The following HCFC1 variants were observed in gnomAD, a reference collection of about 807,000 sequenced individuals.
HCFC1 encodes host cell factor C1.
HCFC1 carries 7 observed loss-of-function variants against 105.5 expected under a neutral mutation model. The ratio of observed to expected loss-of-function variants is 0.07; its 90% CI spans 0.04 to 0.12. The LOEUF is 0.12. Among genes scored for constraint, HCFC1 ranks in the 10% least tolerant of loss-of-function variants. HCFC1 has a pLI of 1.00. For synonymous variants in HCFC1, 918 were observed against 828.1 expected (o/e 1.11, Z -1.86); for missense variants, 1,065 against 1,823.6 (o/e 0.58, Z 7.58).
In HCFC1 at chrX:153,955,074, A is replaced by G. The variant is rs781903562; in HGVS notation, c.3325T>C (p.Cys1109Arg). Residue 1109 changes from cysteine (C) to arginine (R), a missense_variant, in exon 17 of 26, where the codon TGC becomes CGC. Around this residue, in one of 17 missense-constraint regions of HCFC1, gnomAD observed 546 missense variants for 599.9 expected, o/e 0.91. Transcript: ENST00000310441. ...AGQHGCSNPP[C>R]ETHETGTTNT... is the part of the protein sequence containing the mutation. Reference sequence around the variant, plus strand: ...GTGGTGCCCGTCTCGTGGGTCTCGCAGGGTGGGTTTGAGCAGCCATGCTGC... The same window carrying G: ...GTGGTGCCCGTCTCGTGGGTCTCGCGGGGTGGGTTTGAGCAGCCATGCTGC... The G allele has an allele frequency of 9.9e-6, 12 of 1,210,470 alleles. No individual in the cohort carries two copies. Among genetic ancestry groups the G allele is most frequent in the Non-Finnish European group, 1.3e-5 (12 of 894,970 alleles).
In HCFC1 at chrX:153,952,399, A is replaced by G. The variant is rs2065322102; in HGVS notation, c.4942+115T>C. 3 of 918,718 alleles carry G rather than the reference A, an allele frequency of 3.3e-6. No homozygotes were observed. In the South Asian group the frequency reaches 8.1e-5, roughly 25 times the overall value. The allele number at this position is 918,718 out of a possible 1,213,427, so 75.7% of individuals were successfully genotyped here. A position where few individuals can be genotyped will look rare whatever the true frequency, so the allele number is the denominator to read the frequency against. ...GGGGTCCCCTGTGCTCGTCCTCCCC[A>G]TCACATCTGGCTCATGCCACCCTCG... On this transcript the variant is annotated intron_variant, in intron 19 of 25. Transcript: ENST00000310441.
chrX:153,965,201 A>G, intron 1 of HCFC1, among the ~76,000 whole-genome samples: 1 of 110,926 alleles, frequency 9.0e-6, no homozygotes, highest in East Asian at 2.8e-4. Context: ...AGCCATGGGG[A>G]TGAGACCCGG....
At chrX:153,962,382 A>C (rs2148594872) in intron 4 of HCFC1, 76 bp from the exon 5 acceptor site, 62 of 711,289 alleles carry the variant, frequency 8.7e-5, no homozygotes, top group Non-Finnish European at 1.2e-4. Context: ...AAGCTAGCTC[A>C]GGAAGGTAGG....
At position 153,947,900 on chromosome X, in the gene HCFC1, GCTC is replaced by G. The variant is rs1414867738; in HGVS notation, c.*1444_*1446del. The G allele has an allele frequency of 9.0e-6, 1 of 111,660 alleles. No individual in the cohort carries two copies. Among genetic ancestry groups the G allele is most frequent in the African/African-American group, 3.3e-5 (1 of 30,661 alleles). 9.2% of individuals were successfully genotyped at this position (111,660 alleles called of 1,213,427 possible). The stretch of plus-strand genomic sequence containing the variant: ...TCCTTCTGACTTGCTGGCAAGCCTT[GCTC>G]CTCGACAGAAGTTTGGGGTGGGGGG... On this transcript the variant is annotated 3_prime_UTR_variant, in exon 26 of 26. Coordinates refer to ENST00000310441, the MANE Select transcript of HCFC1 (RefSeq NM_005334.3).
chrX:153,951,037 A>C, intron 22 of HCFC1, 39 bp from the exon 23 acceptor site: 2 of 1,152,893 alleles, frequency 1.7e-6, no homozygotes, highest in Non-Finnish European at 2.4e-6. Flanking sequence ...ACTGTGGAGA[A>C]GGCAGCTCTG....
intron 23 of HCFC1, 104 bp downstream of exon 23, chrX:153,950,709 G>A: frequency 2.2e-6 from 2 of 929,859 alleles, no homozygotes. Context: ...AAGACAAACT[G>A]GGACTCAAAA....
At chrX:153,949,445 CTGCTGGTGCAGGGCCGG>C in intron 25 of HCFC1, 59 bp from the exon 26 acceptor site, 1 of 1,141,636 alleles carries the variant, frequency 8.8e-7, no homozygotes, top group Non-Finnish European at 1.2e-6. Context: ...ACTGGAGGCC[CTGCTGGTGCAGGGCCGG>C]TTAGGGGCCC....
At chrX:153,967,396 C>A (rs1469166586) in intron 1 of HCFC1, among the ~76,000 whole-genome samples, 5 of 112,419 alleles carry the variant, frequency 4.4e-5, no homozygotes, top group Non-Finnish European at 9.4e-5. Context: ...ACTTCATGCT[C>A]TGCAAGCTCC....
chrX:153,955,513 C>A lies in HCFC1; in HGVS notation c.2886G>T (p.Leu962=), dbSNP rs3027883. ...CCTCCACCCCACTAGGTGCCGTGATCAGAGTTACCTGGGTGGGCTGGGACA... is the reference window on the plus strand; with the variant it reads ...CCTCCACCCCACTAGGTGCCGTGATAAGAGTTACCTGGGTGGGCTGGGACA... ...QPVSQPTQVT[L]ITAPSGVEAQ... The change falls in exon 17 of 26, where the codon CTG becomes CTT. Residue 962 remains leucine (L), a synonymous_variant. Transcript: ENST00000310441. 1 of 1,174,637 alleles carries A rather than the reference C, an allele frequency of 8.5e-7. No homozygotes were observed. The highest frequency in any genetic ancestry group is 3.0e-5 in the East Asian group (1 of 33,492).
In HCFC1 at chrX:153,958,397, CT is replaced by C. The variant is rs1335742358; in HGVS notation, c.1804-149del. ...AAGCCCAAGAACAGCTTGGTTCCCC[CT>C]TCCTTTAACAGGCAAGGGAGGAGGC... On this transcript the variant is annotated intron_variant, in intron 10 of 25. Coordinates refer to ENST00000310441, the MANE Select transcript of HCFC1 (RefSeq NM_005334.3). 4 of 678,478 alleles carry C rather than the reference CT, an allele frequency of 5.9e-6. No individual in the cohort carries two copies. The African/African-American group carries it at 6.5e-5, about 11-fold the overall frequency. The allele number at this position is 678,478 out of a possible 1,213,427, so 55.9% of individuals were successfully genotyped here.
intron 1 of HCFC1, among the ~76,000 whole-genome samples, chrX:153,967,612 C>A (rs3027895): frequency 0.036 from 4,026 of 112,250 alleles, 167 homozygotes; most frequent in African/African-American, 0.11. Context: ...GCATGCCCCC[C>A]TCCCACGATG....
At chrX:153,960,503 T>C (rs1439034891) in intron 6 of HCFC1, 89 bp from the exon 7 acceptor site, 1 of 612,490 alleles carries the variant, frequency 1.6e-6, no homozygotes, top group African/African-American at 2.3e-5. Flanking sequence ...TTGTCAAGGA[T>C]GGGAATTAAA....
At chrX:153,951,060 A>G in intron 22 of HCFC1, 62 bp from the exon 23 acceptor site, 4 of 1,032,818 alleles carry the variant, frequency 3.9e-6, no homozygotes, top group Non-Finnish European at 5.4e-6. Flanking sequence ...CCACCCCAGG[A>G]ACACTGCAGG....
In HCFC1 at chrX:153,958,528, T is replaced by C. The variant is rs184250619; in HGVS notation, c.1803+41A>G. On this transcript the variant is annotated intron_variant, in intron 10 of 25. Transcript: ENST00000310441. ...CTCTAAAGCCCGGAGGGAATGACTA[T>C]GCTTGTTTGACCACAGTGACAAGCC... 5.9e-5 allele frequency: 65 copies of C among 1,107,412 alleles called. No homozygotes were observed. The African/African-American group carries it at 1.0e-3, about 17-fold the overall frequency. 91.3% of individuals were successfully genotyped at this position (1,107,412 alleles called of 1,213,427 possible).
chrX:153,951,073 CATGGT>C (rs782332007), intron 22 of HCFC1, 75 bp from the exon 23 acceptor site: 108 of 982,719 alleles, frequency 1.1e-4, no homozygotes, highest in Non-Finnish European at 1.5e-4. Flanking sequence ...ACTGCAGGTC[CATGGT>C]AACTATGGGC....
chrX:153,971,367 T>A lies in HCFC1; in HGVS notation c.-527A>T. ...GACCACAATTGTGGGAGCCGCCATC[T>A]TGAGACCGTCCCGCTTCCCCGCCCA... On this transcript the variant is annotated 5_prime_UTR_variant, in exon 1 of 26. The change creates a new upstream start codon in the 5' untranslated region. Transcript: ENST00000310441. 3.4e-6 allele frequency: 1 copy of A among 297,385 alleles called. No individual in the cohort carries two copies. The highest frequency in any genetic ancestry group is 5.9e-6 in the Non-Finnish European group (1 of 170,164). The allele number at this position is 297,385 out of a possible 1,213,427, so 24.5% of individuals were successfully genotyped here.
intron 1 of HCFC1, among the ~76,000 whole-genome samples, chrX:153,968,367 G>T (rs2065491965): frequency 8.9e-6 from 1 of 112,271 alleles, no homozygotes; most frequent in Admixed American, 9.5e-5. Flanking sequence ...GAACTGCAAG[G>T]GGCACAGGCG....
chrX:153,954,554 G>A lies in HCFC1; in HGVS notation c.3845C>T (p.Ser1282Leu), dbSNP rs374515131. ...VTALEALLCP[S>L]ATVTQVCSNP... ...GGAGCAGACTTGGGTCACGGTGGCCGAGGGGCACAGCAGTGCCTCCAGGGC... is the reference window on the plus strand; with the variant it reads ...GGAGCAGACTTGGGTCACGGTGGCCAAGGGGCACAGCAGTGCCTCCAGGGC... The change falls in exon 17 of 26, where the codon TCG becomes TTG. Residue 1282 changes from serine to leucine, a missense_variant. Physicochemically the swap from Ser to Leu is moderately radical, Grantham distance 145. Coordinates refer to ENST00000310441, the MANE Select transcript of HCFC1 (RefSeq NM_005334.3). 1.4e-5 allele frequency: 17 copies of A among 1,209,942 alleles called. No homozygotes were observed. In the East Asian group the frequency reaches 2.4e-4, roughly 17 times the overall value.
At chrX:153,957,579 G>A (rs1557115477) in intron 12 of HCFC1, 46 bp from the exon 13 acceptor site, 6 of 1,039,713 alleles carry the variant, frequency 5.8e-6, no homozygotes, top group Non-Finnish European at 6.6e-6. Flanking sequence ...CTGCCAGGAA[G>A]GGAAGTGTGG....
Sources: gnomAD v4.1 joint callset for allele counts (sites outside exome capture counted in the v4.1 genomes callset) on GRCh38, gnomAD v4.1.1 for gene constraint, gnomAD v4.1.1 regional missense constraint, MANE v1.5 for transcripts, NCBI Gene and HGNC (gene_info 2026-07-23, HGNC 2026-07-21) for gene names.